The following MED27 variants were observed in gnomAD, a reference collection of about 807,000 sequenced individuals.
MED27 encodes the protein mediator complex subunit 27.
In MED27, 30 loss-of-function variants were observed where a neutral mutation model predicts 38.2. The ratio of observed to expected loss-of-function variants is 0.79; its 90% CI spans 0.59 to 1.07. The LOEUF (loss-of-function observed/expected upper bound fraction) is 1.07. Ranked by LOEUF, MED27 falls within the 50% of genes least tolerant of loss-of-function variation. MED27 has a pLI of 0.00. For missense variants in MED27, 289 were observed against 397.5 expected, an observed-to-expected ratio of 0.73 and a Z score of 2.32; for synonymous variants, 122 against 153.5, an observed-to-expected ratio of 0.79 and a Z score of 1.52.
chr9:131,964,326 G>GTGGTGGTGATGGT, intron 3 of MED27, among the ~76,000 whole-genome samples: 1 of 1,200 alleles, frequency 8.3e-4, no homozygotes, highest in South Asian at 0.029. Flanking sequence ...GCTGGTGGTG[G>GTGGTGGTGATGGT]AGGTGATGGT....
chr9:131,957,924 A>G (rs192678192), intron 3 of MED27, among the ~76,000 whole-genome samples: 2 of 151,788 alleles, frequency 1.3e-5, no homozygotes, highest in East Asian at 3.9e-4. Context: ...AAAGAAAAAA[A>G]AGACACATTT....
intron 2 of MED27, among the ~76,000 whole-genome samples, chr9:132,072,563 G>A (rs1399966460): frequency 2.0e-5 from 3 of 152,182 alleles, no homozygotes; most frequent in African/African-American, 4.8e-5. Flanking sequence ...TCCAGGGTTT[G>A]CAGGTGGGGA....
At chr9:132,014,874 G>A (rs1012685802) in intron 2 of MED27, among the ~76,000 whole-genome samples, 1 of 152,168 alleles carries the variant, frequency 6.6e-6, no homozygotes, top group African/African-American at 2.4e-5. Flanking sequence ...AGTAGAATTC[G>A]AGTGATTTTT....
At chr9:132,062,605 G>A (rs1382396366) in intron 2 of MED27, among the ~76,000 whole-genome samples, 2 of 138,460 alleles carry the variant, frequency 1.4e-5, no homozygotes, top group Non-Finnish European at 3.1e-5. Flanking sequence ...ACGAGAAGGA[G>A]TCATCAATAC....
intron 2 of MED27, among the ~76,000 whole-genome samples, chr9:132,046,820 C>A (rs765022426): frequency 1.3e-5 from 2 of 152,228 alleles, no homozygotes. Context: ...CTTTTATTCT[C>A]TCTCTGCCCT....
chr9:131,980,272 C>G (rs1435992903), intron 3 of MED27, among the ~76,000 whole-genome samples: 1 of 152,076 alleles, frequency 6.6e-6, no homozygotes, highest in East Asian at 1.9e-4. Flanking sequence ...AAGCACTGAA[C>G]TGCCTTAAAA....
chr9:132,014,491 G>C, intron 2 of MED27, 24 bp from the exon 3 acceptor site: 3 of 1,606,760 alleles, frequency 1.9e-6, no homozygotes, highest in Non-Finnish European at 2.5e-6. Flanking sequence ...CAAAACAAAA[G>C]GGGAAGAAAA....
At chr9:132,057,406 T>C (rs934945826) in intron 2 of MED27, among the ~76,000 whole-genome samples, 7 of 152,342 alleles carry the variant, frequency 4.6e-5, no homozygotes, top group Admixed American at 2.0e-4. Flanking sequence ...CAGTTACTTC[T>C]ATGGGTAATC....
chr9:131,993,082 T>C (rs530258774), intron 3 of MED27, among the ~76,000 whole-genome samples: 18 of 152,200 alleles, frequency 1.2e-4, no homozygotes, highest in Non-Finnish European at 2.4e-4. Context: ...TATGCATCTT[T>C]ATTTTCATAT....
chr9:131,918,601 G>T (rs187667805), intron 4 of MED27, among the ~76,000 whole-genome samples: 1 of 152,010 alleles, frequency 6.6e-6, no homozygotes, highest in African/African-American at 2.4e-5. Context: ...GCATGACTTA[G>T]CTGTCAGAAA....
chr9:131,860,461 C>A lies in MED27; in HGVS notation c.*77G>T. 6.9e-7 allele frequency: 1 copy of A among 1,440,934 alleles called. No homozygotes were observed. Among genetic ancestry groups the A allele is most frequent in the Non-Finnish European group, 9.2e-7 (1 of 1,090,372 alleles). The allele number at this position is 1,440,934 out of a possible 1,614,324, so 89.3% of individuals were successfully genotyped here. ...TGTACACATCTGGGCAGTGAGGAAC[C>A]AGCTGAGCCTTCTGTGGGCTTCCTG... is the stretch of plus-strand genomic sequence containing the variant. On this transcript the variant is annotated 3_prime_UTR_variant, in exon 8 of 8. Transcript: ENST00000292035. This position sits in a 1 kb window ranked among gnomAD's most constrained non-coding sequence, Gnocchi z 5.8.
At chr9:132,028,473 C>T (rs964973133) in intron 2 of MED27, among the ~76,000 whole-genome samples, 3 of 151,724 alleles carry the variant, frequency 2.0e-5, no homozygotes, top group African/African-American at 7.3e-5. Flanking sequence ...TAGGACAGTG[C>T]TTGGCACATA....
chr9:131,974,166 C>G (rs1228906197), intron 3 of MED27, among the ~76,000 whole-genome samples: 1 of 152,246 alleles, frequency 6.6e-6, no homozygotes, highest in Non-Finnish European at 1.5e-5. Flanking sequence ...GGTGACATCT[C>G]AGAGTTGACT....
Position 132,003,375 on chromosome 9 carries a change from C to A in MED27, c.479+10962G>T, listed in dbSNP as rs531069531. 2.0e-5 allele frequency among the ~76,000 whole-genome samples: 3 copies of A among 152,192 alleles called. No individual in the cohort carries two copies. The highest frequency in any genetic ancestry group is 7.2e-5 in the African/African-American group (3 of 41,442). ...CAATTTCTCTTTGACTCAGTATCTACGGAAGACACTGGGTTTTAAATTTTA... is the reference window on the plus strand; with the variant it reads ...CAATTTCTCTTTGACTCAGTATCTAAGGAAGACACTGGGTTTTAAATTTTA... On this transcript the variant is annotated intron_variant, in intron 3 of 7. Coordinates refer to ENST00000292035, the MANE Select transcript of MED27 (RefSeq NM_004269.4). The surrounding 1 kb of genome is among the most constrained non-coding windows in gnomAD (Gnocchi z 4.2).
chr9:131,955,390 AG>A (rs1831076026), intron 3 of MED27, among the ~76,000 whole-genome samples: 1 of 152,210 alleles, frequency 6.6e-6, no homozygotes, highest in Non-Finnish European at 1.5e-5. Flanking sequence ...ATTAAATCCA[AG>A]GTAAGTACAA....
At position 131,871,283 on chromosome 9, in the gene MED27, T is replaced by G. The variant is rs556176252; in HGVS notation, c.724-8143A>C. 3.9e-5 allele frequency among the ~76,000 whole-genome samples: 6 copies of G among 152,346 alleles called. No individual in the cohort carries two copies. In the East Asian group the frequency reaches 1.2e-3, roughly 29 times the overall value. On this transcript the variant is annotated intron_variant, in intron 6 of 7. Coordinates refer to ENST00000292035, the MANE Select transcript of MED27 (RefSeq NM_004269.4). ...GATAACAGGTTTAGGCCTAGCAAGA[T>G]GATTTCTCACTTAAGCTTAACTCCC...
chr9:131,926,784 G>A (rs1030597951), intron 4 of MED27, among the ~76,000 whole-genome samples: 2 of 152,176 alleles, frequency 1.3e-5, no homozygotes, highest in African/African-American at 4.8e-5. Flanking sequence ...GTATGAATAT[G>A]TTATGGAAAT....
intron 6 of MED27, among the ~76,000 whole-genome samples, chr9:131,882,910 CTT>C (rs112709962): frequency 1.8e-4 from 26 of 141,746 alleles, no homozygotes; most frequent in South Asian, 2.3e-4. Flanking sequence ...TCAGTGGATA[CTT>C]TTTTTTTTTT....
chr9:131,863,014 GA>G, intron 7 of MED27, 48 bp downstream of exon 7: 1 of 1,539,180 alleles, frequency 6.5e-7, no homozygotes, highest in Non-Finnish European at 9.0e-7. Context: ...GTTCTCACTT[GA>G]AGGGAGCTGA....
Sources: allele counts gnomAD v4.1 joint callset (sites outside exome capture counted in the v4.1 genomes callset), GRCh38; gene constraint gnomAD v4.1.1; non-coding constraint Gnocchi (gnomAD v3.1); transcripts MANE v1.5; gene names NCBI Gene and HGNC (gene_info 2026-07-23, HGNC 2026-07-21).